The following SLC30A7 variants were observed in gnomAD, a reference collection of about 807,000 sequenced individuals.
SLC30A7 encodes the protein solute carrier family 30 member 7, also known as zinc transporter 7.
In SLC30A7, 35 loss-of-function variants were observed where a neutral mutation model predicts 46.0. That is an observed-to-expected ratio of 0.76 (90% CI 0.58 to 1.01). SLC30A7 has a LOEUF of 1.01. Ranked by LOEUF, SLC30A7 falls within the 50% of genes least tolerant of loss-of-function variation. SLC30A7 has a pLI of 0.00. For synonymous variants in SLC30A7, 147 were observed against 157.8 expected (o/e 0.93, Z 0.51); for missense variants, 464 against 451.1 (o/e 1.03, Z -0.26).
At position 100,965,750 on chromosome 1, in the gene SLC30A7, T is replaced by G. The variant is rs766944995; in HGVS notation, c.934-19T>G. On this transcript the variant is annotated intron_variant, in intron 9 of 10. Coordinates refer to ENST00000357650, the MANE Select transcript of SLC30A7 (RefSeq NM_133496.5). ...GCTTAACTTGATTATGATGTTAATATCTCTCCTTTATATTTCAGGTACAGC... is the reference window on the plus strand; with the variant it reads ...GCTTAACTTGATTATGATGTTAATAGCTCTCCTTTATATTTCAGGTACAGC... The G allele has an allele frequency of 6.2e-7, 1 of 1,607,368 alleles. No homozygotes were observed. Among genetic ancestry groups the G allele is most frequent in the Non-Finnish European group, 8.5e-7 (1 of 1,174,126 alleles).
At chr1:100,950,799 G>C (rs1654910724) in intron 8 of SLC30A7, among the ~76,000 whole-genome samples, 1 of 152,132 alleles carries the variant, frequency 6.6e-6, no homozygotes. Context: ...TTTAGTTTGG[G>C]TTGCCCTAGA....
chr1:100,911,322 A>G (rs892019916), intron 4 of SLC30A7, among the ~76,000 whole-genome samples, 172 bp downstream of exon 4: 23 of 152,188 alleles, frequency 1.5e-4, no homozygotes, highest in African/African-American at 4.3e-4. Context: ...TTAAATATAT[A>G]TGAATCTTCT....
At chr1:100,955,670 A>G (rs1655183937) in intron 8 of SLC30A7, among the ~76,000 whole-genome samples, 1 of 152,134 alleles carries the variant, frequency 6.6e-6, no homozygotes, top group Non-Finnish European at 1.5e-5. Context: ...AGATAGATCC[A>G]AGCTAAAATC....
intron 6 of SLC30A7, among the ~76,000 whole-genome samples, chr1:100,916,249 C>T (rs1391716680): frequency 6.6e-6 from 1 of 151,798 alleles, no homozygotes; most frequent in Non-Finnish European, 1.5e-5. Context: ...TTCAGTGGTG[C>T]GATATCGGCT....
At chr1:100,928,409 A>G (rs1449653321) in intron 8 of SLC30A7, among the ~76,000 whole-genome samples, 1 of 152,208 alleles carries the variant, frequency 6.6e-6, no homozygotes. Flanking sequence ...CTATGTGGCT[A>G]TTTAGAGAAG....
chr1:100,945,213 A>C (rs1654559809), intron 8 of SLC30A7, among the ~76,000 whole-genome samples: 1 of 152,122 alleles, frequency 6.6e-6, no homozygotes, highest in African/African-American at 2.4e-5. Context: ...TAGATTGCAA[A>C]AATTTTCTCC....
chr1:100,900,767 T>G (rs1651255536), intron 2 of SLC30A7, among the ~76,000 whole-genome samples: 1 of 152,224 alleles, frequency 6.6e-6, no homozygotes, highest in African/African-American at 2.4e-5. Context: ...TTTCCCTGAC[T>G]TTCCACATCA....
the SLC30A7 span, chr1:100,995,707 TA>T: frequency 6.5e-6 from 1 of 152,892 alleles, no homozygotes; most frequent in African/African-American, 2.4e-5. Flanking sequence ...TGACCAGATA[TA>T]AACTCTGCTC....
chr1:100,987,383 C>T, the SLC30A7 span, among the ~76,000 whole-genome samples: 3 of 152,124 alleles, frequency 2.0e-5, no homozygotes, highest in Non-Finnish European at 2.9e-5. Context: ...TGATATTTCC[C>T]CAAATGGCAT....
chr1:100,899,622 G>T (rs1462268655), intron 2 of SLC30A7, among the ~76,000 whole-genome samples: 2 of 152,118 alleles, frequency 1.3e-5, no homozygotes, highest in South Asian at 2.1e-4. Context: ...GGCAGAGGTT[G>T]CAGTGAGCCG....
chr1:100,950,807 A>G (rs1249556186), intron 8 of SLC30A7, among the ~76,000 whole-genome samples: 1 of 152,222 alleles, frequency 6.6e-6, no homozygotes, highest in Non-Finnish European at 1.5e-5. Flanking sequence ...GGGTTGCCCT[A>G]GAGACATGAT....
chr1:100,924,680 GA>G (rs34661006), intron 8 of SLC30A7, among the ~76,000 whole-genome samples: 121 of 135,654 alleles, frequency 8.9e-4, no homozygotes, highest in African/African-American at 2.7e-3. Flanking sequence ...AAAAAAAAAA[GA>G]AAAAAAAAAT....
At chr1:100,920,688 AGTTT>A (rs1162393373) in intron 7 of SLC30A7, among the ~76,000 whole-genome samples, 1 of 152,080 alleles carries the variant, frequency 6.6e-6, no homozygotes, top group South Asian at 2.1e-4. Context: ...ACATTTCTTG[AGTTT>A]GTTTGTATTT....
intron 8 of SLC30A7, among the ~76,000 whole-genome samples, chr1:100,947,871 C>T (rs1330670950): frequency 1.3e-5 from 2 of 151,928 alleles, no homozygotes; most frequent in African/African-American, 4.8e-5. Context: ...GATTGCAATC[C>T]CTGCTCTTTT....
At chr1:100,932,373 C>G (rs1177829280) in intron 8 of SLC30A7, among the ~76,000 whole-genome samples, 1 of 152,064 alleles carries the variant, frequency 6.6e-6, no homozygotes, top group Non-Finnish European at 1.5e-5. Context: ...CGAGATTGCG[C>G]CACTGCACTT....
At position 100,896,141 on chromosome 1, in the gene SLC30A7, C is replaced by T. The variant is rs1052714568; in HGVS notation, c.-122C>T. The T allele has an allele frequency of 2.4e-6, 2 of 822,758 alleles. No individual in the cohort carries two copies. Among genetic ancestry groups the T allele is most frequent in the East Asian group, 5.0e-5 (2 of 39,744 alleles). 51.0% of individuals were successfully genotyped at this position (822,758 alleles called of 1,614,324 possible). ...GTCTGTGTCTGTCTGTGTCTCGCAG[C>T]GGCGCGCGGCCCCGGACAAGCGCTG... On this transcript the variant is annotated 5_prime_UTR_variant, in exon 1 of 11. Transcript: ENST00000357650.
At chr1:100,944,255 G>A (rs913892381) in intron 8 of SLC30A7, among the ~76,000 whole-genome samples, 1 of 152,000 alleles carries the variant, frequency 6.6e-6, no homozygotes, top group Non-Finnish European at 1.5e-5. Flanking sequence ...GTCCAGGCTG[G>A]TCTCAAACTC....
chr1:100,922,052 G>A (rs1652968989), intron 8 of SLC30A7, among the ~76,000 whole-genome samples: 1 of 147,650 alleles, frequency 6.8e-6, no homozygotes, highest in African/African-American at 2.5e-5. Context: ...CTCCTGGGTT[G>A]AAGCAATTCT....
chr1:100,964,528 G>A (rs1295766288), intron 9 of SLC30A7, among the ~76,000 whole-genome samples: 2 of 151,856 alleles, frequency 1.3e-5, no homozygotes, highest in African/African-American at 4.8e-5. Context: ...GCTGAATCAG[G>A]ATTCTAATCC....
Sources: gnomAD v4.1 joint callset for allele counts (sites outside exome capture counted in the v4.1 genomes callset) on GRCh38, gnomAD v4.1.1 for gene constraint, MANE v1.5 for transcripts, NCBI Gene and HGNC (gene_info 2026-07-23, HGNC 2026-07-21) for gene names.